The following TAFA1 variants were observed in gnomAD, a reference collection of about 807,000 sequenced individuals.
TAFA1 encodes chemokine-like protein TAFA-1.
A neutral mutation model predicts 18.5 loss-of-function variants in TAFA1; 4 were observed. That is an observed-to-expected ratio of 0.22 (90% CI 0.11 to 0.49). TAFA1 has a LOEUF of 0.49. TAFA1 is among the 20% of genes least tolerant of loss of function. The pLI, the probability that TAFA1 is intolerant of heterozygous loss-of-function variation, is 0.98. For synonymous variants in TAFA1, 56 were observed against 55.2 expected (o/e 1.01, Z -0.06); for missense variants, 147 against 169.0 (o/e 0.87, Z 0.72).
intron 2 of TAFA1, among the ~76,000 whole-genome samples, chr3:68,229,168 T>C (rs2066840696): frequency 6.6e-6 from 1 of 152,206 alleles, no homozygotes; most frequent in African/African-American, 2.4e-5. Flanking sequence ...GCATTTTGTG[T>C]TGGAGTAGAT....
At chr3:68,501,154 G>GA (rs57247656) in intron 3 of TAFA1, among the ~76,000 whole-genome samples, 20,685 of 91,486 alleles carry the variant, frequency 0.23, 2,430 homozygotes, top group East Asian at 0.43. Context: ...GACCCTGTCT[G>GA]AAAAAAAAAA....
At chr3:68,136,166 T>G (rs1352741850) in intron 2 of TAFA1, among the ~76,000 whole-genome samples, 3 of 152,122 alleles carry the variant, frequency 2.0e-5, no homozygotes, top group African/African-American at 7.2e-5. Flanking sequence ...GAGGGCAAAC[T>G]AAGGCAACAC....
intron 3 of TAFA1, among the ~76,000 whole-genome samples, chr3:68,449,998 C>T (rs2071543122): frequency 6.6e-6 from 1 of 152,158 alleles, no homozygotes. Flanking sequence ...GCGCAGGCTG[C>T]CAGACTCATG....
chr3:68,212,279 G>C (rs1163624032), intron 2 of TAFA1, among the ~76,000 whole-genome samples: 1 of 151,586 alleles, frequency 6.6e-6, no homozygotes, highest in Non-Finnish European at 1.5e-5. Flanking sequence ...GAGGAGAGGG[G>C]TAAGAGATGA....
intron 2 of TAFA1, among the ~76,000 whole-genome samples, chr3:68,076,023 A>G (rs984512373): frequency 7.2e-5 from 11 of 152,204 alleles, no homozygotes; most frequent in Non-Finnish European, 1.0e-4. Flanking sequence ...TAGGAAAAAG[A>G]AATCCATCCC....
intron 2 of TAFA1, among the ~76,000 whole-genome samples, chr3:68,024,418 T>C (rs1704767818): frequency 6.6e-6 from 1 of 152,176 alleles, no homozygotes; most frequent in African/African-American, 2.4e-5. Flanking sequence ...CCCCTTCCTT[T>C]AATTAAACAT....
At chr3:68,298,788 C>G (rs1264571777) in intron 2 of TAFA1, among the ~76,000 whole-genome samples, 5 of 152,198 alleles carry the variant, frequency 3.3e-5, no homozygotes, top group Non-Finnish European at 7.3e-5. Context: ...TGAAGCCTCC[C>G]CAGCCATGCT....
In TAFA1 at chr3:68,544,538, C is replaced by A. The variant is rs1257558444; in HGVS notation, c.*35C>A. On this transcript the variant is annotated 3_prime_UTR_variant, in exon 5 of 5. Coordinates refer to ENST00000478136, the MANE Select transcript of TAFA1 (RefSeq NM_213609.4). ...TTGTGGTAGTAAAGGAAAACCAACC[C>A]TCTGGAAAATACATTTTGAGAATCT... The A allele has an allele frequency of 1.2e-6, 2 of 1,607,528 alleles. No homozygotes were observed. The highest frequency in any genetic ancestry group is 3.3e-5 in the Admixed American group (2 of 59,802).
chr3:68,489,265 C>T (rs761882751), intron 3 of TAFA1, among the ~76,000 whole-genome samples: 5 of 152,122 alleles, frequency 3.3e-5, no homozygotes, highest in African/African-American at 7.2e-5. Context: ...TTAGGAGAAG[C>T]GTGCCTCATG....
chr3:68,278,784 T>C (rs1386973346), intron 2 of TAFA1, among the ~76,000 whole-genome samples: 1 of 152,076 alleles, frequency 6.6e-6, no homozygotes, highest in Non-Finnish European at 1.5e-5. Flanking sequence ...ACCACCCCCA[T>C]AGATTCGCAT....
intron 2 of TAFA1, among the ~76,000 whole-genome samples, chr3:68,068,045 T>C (rs1471254727): frequency 6.6e-6 from 1 of 152,214 alleles, no homozygotes; most frequent in African/African-American, 2.4e-5. Context: ...CTTGCAGTTC[T>C]TCACATGGCA....
At position 68,370,472 on chromosome 3, in the gene TAFA1, GTATATATATATATATATA is replaced by G. The variant is rs749877780; in HGVS notation, c.119-46781_119-46764del. On this transcript the variant is annotated intron_variant, in intron 2 of 4. Transcript: ENST00000478136. ...TATATATATGTGTGTGTGTGTGTGTGTATATATATATATATATATATATATATATATATATATATATAT... is the reference window on the plus strand; with the variant it reads ...TATATATATGTGTGTGTGTGTGTGTGTATATATATATATATATATATATAT... 7.9e-4 allele frequency among the ~76,000 whole-genome samples: 26 copies of G among 33,034 alleles called. 1 individual carries two copies. Among genetic ancestry groups the G allele is most frequent in the African/African-American group, 1.9e-3 (14 of 7,560 alleles). The allele number at this position is 33,034 out of a possible 152,430, so 21.7% of individuals were successfully genotyped here. A position where few individuals can be genotyped will look rare whatever the true frequency, so the allele number is the denominator to read the frequency against.
intron 3 of TAFA1, among the ~76,000 whole-genome samples, chr3:68,519,902 T>C (rs901593201): frequency 2.6e-5 from 4 of 152,210 alleles, no homozygotes; most frequent in Non-Finnish European, 4.4e-5. Flanking sequence ...ATTTAGTTCA[T>C]AACATGAGCT....
At chr3:68,355,873 G>T (rs1248212927) in intron 2 of TAFA1, among the ~76,000 whole-genome samples, 1 of 151,958 alleles carries the variant, frequency 6.6e-6, no homozygotes, top group Non-Finnish European at 1.5e-5. Context: ...ATTGTAGCTA[G>T]GCAAGTTGTA....
intron 2 of TAFA1, among the ~76,000 whole-genome samples, chr3:68,105,323 T>A (rs933462538): frequency 6.6e-6 from 1 of 151,864 alleles, no homozygotes; most frequent in Non-Finnish European, 1.5e-5. Context: ...TACCATAGAG[T>A]CCCCTAACAT....
chr3:68,320,465 G>A (rs1343827917), intron 2 of TAFA1, among the ~76,000 whole-genome samples: 2 of 152,190 alleles, frequency 1.3e-5, no homozygotes, highest in African/African-American at 2.4e-5. Context: ...TACTGGGAAA[G>A]GAGACTCAGG....
intron 2 of TAFA1, among the ~76,000 whole-genome samples, chr3:68,169,356 G>A (rs2066023859): frequency 6.6e-6 from 1 of 152,200 alleles, no homozygotes; most frequent in South Asian, 2.1e-4. Flanking sequence ...TGCCAGCTCT[G>A]TGATTGAATC....
intron 2 of TAFA1, among the ~76,000 whole-genome samples, chr3:68,150,468 C>T (rs2065792604): frequency 6.6e-6 from 1 of 152,140 alleles, no homozygotes; most frequent in Non-Finnish European, 1.5e-5. Flanking sequence ...AATTGATTTT[C>T]ATTTTTTGCA....
At chr3:68,400,597 A>G (rs980914348) in intron 2 of TAFA1, among the ~76,000 whole-genome samples, 1 of 152,206 alleles carries the variant, frequency 6.6e-6, no homozygotes, top group African/African-American at 2.4e-5. Context: ...GCTAAATTCT[A>G]TTCCTCTCTA....
Sources: allele counts gnomAD v4.1 joint callset (sites outside exome capture counted in the v4.1 genomes callset), GRCh38; gene constraint gnomAD v4.1.1; transcripts MANE v1.5; gene names NCBI Gene and HGNC (gene_info 2026-07-23, HGNC 2026-07-21).